CELF2: variants seen among roughly 807,000 people sequenced by gnomAD.
The protein encoded by CELF2 is CUGBP Elav-like family member 2, also known as CUG triplet repeat RNA-binding protein 2.
A neutral mutation model predicts 62.6 loss-of-function variants in CELF2; 8 were observed. That is an observed-to-expected ratio of 0.13 (90% CI 0.07 to 0.23). CELF2 has a LOEUF of 0.23. Among genes scored for constraint, CELF2 ranks in the 10% least tolerant of loss-of-function variants. CELF2 has a pLI of 1.00. For missense variants in CELF2, 333 were observed against 671.0 expected (o/e 0.50, Z 5.56); for synonymous variants, 258 against 250.0 (o/e 1.03, Z -0.30).
the CELF2 span, among the ~76,000 whole-genome samples, chr10:10,707,779 TA>T: frequency 6.6e-6 from 1 of 152,156 alleles, no homozygotes; most frequent in African/African-American, 2.4e-5. Flanking sequence ...TGAGATCCTA[TA>T]AACTATAAAC....
the CELF2 span, among the ~76,000 whole-genome samples, chr10:10,467,503 T>G: frequency 6.6e-6 from 1 of 152,178 alleles, no homozygotes; most frequent in Non-Finnish European, 1.5e-5. Context: ...TGGAAAAAGA[T>G]ACTGTATATT....
At chr10:10,651,355 G>C in the CELF2 span, among the ~76,000 whole-genome samples, 1 of 148,954 alleles carries the variant, frequency 6.7e-6, no homozygotes, top group Non-Finnish European at 1.5e-5. Context: ...AGCTCGAACT[G>C]GGTGGAACCC....
the CELF2 span, among the ~76,000 whole-genome samples, chr10:10,557,421 G>A: frequency 6.8e-6 from 1 of 147,536 alleles, no homozygotes; most frequent in African/African-American, 2.6e-5. Context: ...GTACCATGCT[G>A]TTTTGGTTAC....
the CELF2 span, among the ~76,000 whole-genome samples, chr10:10,530,306 G>A: frequency 6.6e-6 from 1 of 152,060 alleles, no homozygotes; most frequent in Non-Finnish European, 1.5e-5. Flanking sequence ...CTGCTACAAG[G>A]GTTTGTGATA....
the CELF2 span, among the ~76,000 whole-genome samples, chr10:10,685,579 G>A: frequency 2.6e-5 from 4 of 152,236 alleles, no homozygotes; most frequent in East Asian, 1.9e-4. Flanking sequence ...CTAACACACA[G>A]GGCTTTTGAC....
chr10:10,685,007 G>A, the CELF2 span, among the ~76,000 whole-genome samples: 2 of 152,136 alleles, frequency 1.3e-5, no homozygotes, highest in Non-Finnish European at 2.9e-5. Context: ...AGGAGGCTAA[G>A]TACAAACAAC....
At chr10:11,265,909 A>G (rs1193761651) in intron 5 of CELF2, among the ~76,000 whole-genome samples, 1 of 152,240 alleles carries the variant, frequency 6.6e-6, no homozygotes, top group Non-Finnish European at 1.5e-5. Flanking sequence ...ATAAATGACA[A>G]TGCACGTTTT....
At chr10:10,748,407 A>G in the CELF2 span, among the ~76,000 whole-genome samples, 2 of 152,204 alleles carry the variant, frequency 1.3e-5, no homozygotes, top group South Asian at 4.1e-4. Flanking sequence ...AGTGCAAATT[A>G]TGTTGCTTTC....
At position 11,237,236 on chromosome 10, in the gene CELF2, A is replaced by G. The variant is rs964598388; in HGVS notation, c.355-11917A>G. Among the ~76,000 whole-genome samples the G allele has an allele frequency of 1.2e-4, 19 of 152,220 alleles. No individual in the cohort carries two copies. The highest frequency in any genetic ancestry group is 4.6e-4 in the African/African-American group (19 of 41,448). On this transcript the variant is annotated intron_variant, in intron 3 of 12. Transcript: ENST00000633077. The surrounding 1 kb of genome is among the most constrained non-coding windows in gnomAD (Gnocchi z 4.0). ...AGAGAGAGCTAAACTGAGGATTTCA[A>G]GGGGTAGAAAATTAAGCAAATTTAG... is the stretch of plus-strand genomic sequence containing the variant.
In CELF2 at chr10:11,145,949, C is replaced by T. The variant is rs1281957847; in HGVS notation, c.75-19537C>T. On this transcript the variant is annotated intron_variant, in intron 1 of 12. Coordinates refer to ENST00000633077, the MANE Select transcript of CELF2 (RefSeq NM_001326342.2). This position sits in a 1 kb window ranked among gnomAD's most constrained non-coding sequence, Gnocchi z 4.3. ...CTAACTACTACTTAAAATCCAAGAA[C>T]ATTGTGAGAATACCTACCTGTACTC... Among the ~76,000 whole-genome samples, 1 of 152,142 alleles carries T rather than the reference C, an allele frequency of 6.6e-6. No homozygotes were observed. The highest frequency in any genetic ancestry group is 1.5e-5 in the Non-Finnish European group (1 of 68,016).
chr10:10,594,980 G>A, the CELF2 span, among the ~76,000 whole-genome samples: 1 of 152,192 alleles, frequency 6.6e-6, no homozygotes, highest in East Asian at 1.9e-4. Flanking sequence ...CAGAGGGTGG[G>A]CTGGTTGCTC....
rs1465030761 is a variant in CELF2 at position 11,011,782 on chromosome 10, T to G, written c.53+6342T>G. Among the ~76,000 whole-genome samples the G allele has an allele frequency of 6.6e-6, 1 of 152,024 alleles. No individual in the cohort carries two copies. The highest frequency in any genetic ancestry group is 1.9e-4 in the East Asian group (1 of 5,198). ...GAAAAAAAATTTCCCCTAATGGACTTCATGGGAATTAGCATCAAAAGCAAA... is the reference window on the plus strand; with the variant it reads ...GAAAAAAAATTTCCCCTAATGGACTGCATGGGAATTAGCATCAAAAGCAAA... On this transcript the variant is annotated intron_variant, in intron 1 of 12. Transcript: ENST00000416382. The surrounding 1 kb of genome is among the most constrained non-coding windows in gnomAD (Gnocchi z 4.6).
chr10:11,066,789 A>T (rs1403450943), intron 1 of CELF2, among the ~76,000 whole-genome samples: 1 of 152,124 alleles, frequency 6.6e-6, no homozygotes, highest in Non-Finnish European at 1.5e-5. Flanking sequence ...TCCCAATTAC[A>T]GCATGGTTTC....
the CELF2 span, among the ~76,000 whole-genome samples, chr10:10,697,260 G>A: frequency 8.2e-3 from 1,250 of 152,206 alleles, 5 homozygotes; most frequent in African/African-American, 0.011. Flanking sequence ...CATGGTAGTG[G>A]TTTTTTGCAG....
intron 5 of CELF2, among the ~76,000 whole-genome samples, chr10:11,259,429 T>TAA (rs11404486): frequency 0.019 from 2,672 of 137,536 alleles, 68 homozygotes; most frequent in African/African-American, 0.059. Flanking sequence ...GAAGGTGGTT[T>TAA]AAAAAAAAAA....
In CELF2 at chr10:11,290,699, C is replaced by T. The variant is rs1241002592; in HGVS notation, c.976+2147C>T. Among the ~76,000 whole-genome samples the T allele has an allele frequency of 6.6e-6, 1 of 152,154 alleles. No individual in the cohort carries two copies. The highest frequency in any genetic ancestry group is 2.4e-5 in the African/African-American group (1 of 41,438). On this transcript the variant is annotated intron_variant, in intron 9 of 12. Transcript: ENST00000633077. The surrounding 1 kb of genome is among the most constrained non-coding windows in gnomAD (Gnocchi z 4.3). Reference sequence around the variant, plus strand: ...CCTGCTGGAGTCAAAACCACACCAGCGCAGCGTCCTTGCCTTGACTGCTCT... The same window carrying T: ...CCTGCTGGAGTCAAAACCACACCAGTGCAGCGTCCTTGCCTTGACTGCTCT...
intron 1 of CELF2, among the ~76,000 whole-genome samples, chr10:10,860,352 G>C (rs2059981998): frequency 6.6e-6 from 1 of 152,156 alleles, no homozygotes; most frequent in Non-Finnish European, 1.5e-5. Flanking sequence ...AGGACCCACA[G>C]GTGTCCCCAG....
chr10:10,633,249 T>C, the CELF2 span, among the ~76,000 whole-genome samples: 1 of 152,226 alleles, frequency 6.6e-6, no homozygotes, highest in African/African-American at 2.4e-5. Flanking sequence ...TTTTTAAACA[T>C]GGACATTGCC....
At chr10:11,113,744 C>T (rs893615381) in intron 1 of CELF2, among the ~76,000 whole-genome samples, 1 of 152,114 alleles carries the variant, frequency 6.6e-6, no homozygotes, top group African/African-American at 2.4e-5. Flanking sequence ...GCGGGTCTGC[C>T]TGTATGGATT....
Sources: gnomAD v4.1 joint callset for allele counts (sites outside exome capture counted in the v4.1 genomes callset) on GRCh38, gnomAD v4.1.1 for gene constraint, Gnocchi (gnomAD v3.1) non-coding constraint, MANE v1.5 for transcripts, NCBI Gene and HGNC (gene_info 2026-07-23, HGNC 2026-07-21) for gene names.